The following LAMA2 variants were observed in gnomAD, a reference collection of about 807,000 sequenced individuals.
The protein encoded by LAMA2 is laminin subunit alpha-2.
Under a neutral mutation model 364.8 loss-of-function variants are expected in LAMA2, and 269 were observed. The ratio of observed to expected loss-of-function variants is 0.74; its 90% CI spans 0.67 to 0.82. The LOEUF (loss-of-function observed/expected upper bound fraction) is 0.82, where lower values mean the gene tolerates loss of function less well. Ranked by LOEUF, LAMA2 falls within the 40% of genes least tolerant of loss-of-function variation. The pLI is 0.00. For missense variants in LAMA2, 3,807 were observed against 3,873.2 expected (o/e 0.98, Z 0.45); for synonymous variants, 1,379 against 1,370.6 (o/e 1.01, Z -0.14).
chr6:129,259,009 G>A (rs886829949), intron 14 of LAMA2, among the ~76,000 whole-genome samples: 3 of 152,066 alleles, frequency 2.0e-5, no homozygotes, highest in African/African-American at 7.2e-5. Context: ...TTTAGAGGGT[G>A]CCATCTGGCA....
intron 12 of LAMA2, among the ~76,000 whole-genome samples, chr6:129,243,855 AAAGAAG>A (rs3062303): frequency 9.9e-5 from 15 of 150,850 alleles, no homozygotes; most frequent in African/African-American, 1.9e-4. Context: ...AAGAAAAAGA[AAAGAAG>A]AAGAAGAAGG....
intron 3 of LAMA2, among the ~76,000 whole-genome samples, chr6:129,077,409 T>C (rs1392366461): frequency 6.6e-6 from 1 of 152,316 alleles, no homozygotes; most frequent in East Asian, 1.9e-4. Context: ...ATTTAACTTA[T>C]AAGCTAATTC....
intron 1 of LAMA2, among the ~76,000 whole-genome samples, chr6:128,899,660 C>T (rs899001767): frequency 2.0e-5 from 3 of 152,054 alleles, no homozygotes; most frequent in Non-Finnish European, 2.9e-5. Flanking sequence ...ACATAAATTT[C>T]TACAAATACT....
At chr6:129,030,504 A>G (rs1345627576) in intron 1 of LAMA2, among the ~76,000 whole-genome samples, 1 of 152,160 alleles carries the variant, frequency 6.6e-6, no homozygotes, top group Non-Finnish European at 1.5e-5. Flanking sequence ...CCATTATTTT[A>G]TCTATGATAT....
intron 3 of LAMA2, among the ~76,000 whole-genome samples, chr6:129,069,354 TTACA>T (rs1773149971): frequency 6.7e-6 from 1 of 149,586 alleles, no homozygotes; most frequent in Non-Finnish European, 1.5e-5. Flanking sequence ...AATTTTTTAC[TTACA>T]TATTATGCTT....
chr6:129,077,180 A>G (rs1371618021), intron 3 of LAMA2, among the ~76,000 whole-genome samples: 1 of 152,150 alleles, frequency 6.6e-6, no homozygotes, highest in Admixed American at 6.5e-5. Flanking sequence ...CTTCTTCATT[A>G]TCCTTACCTC....
intron 62 of LAMA2, 145 bp downstream of exon 62, chr6:129,507,787 A>T: frequency 1.3e-6 from 1 of 797,040 alleles, no homozygotes; most frequent in Admixed American, 2.2e-5. Flanking sequence ...AGTAATTTCA[A>T]AAATGCCTCT....
intron 20 of LAMA2, among the ~76,000 whole-genome samples, chr6:129,295,987 G>T (rs1773157395): frequency 6.6e-6 from 1 of 151,744 alleles, no homozygotes; most frequent in Admixed American, 6.6e-5. Flanking sequence ...CTGGTGGTAT[G>T]GGTATGTAAT....
chr6:129,073,153 T>C (rs1773427462), intron 3 of LAMA2, among the ~76,000 whole-genome samples: 1 of 152,106 alleles, frequency 6.6e-6, no homozygotes, highest in Admixed American at 6.6e-5. Flanking sequence ...GGAATTTTGT[T>C]TTGTTTTGTT....
At chr6:129,332,138 C>G (rs1435429178) in intron 29 of LAMA2, among the ~76,000 whole-genome samples, 1 of 152,172 alleles carries the variant, frequency 6.6e-6, no homozygotes, top group Non-Finnish European at 1.5e-5. Context: ...ATATTGACAT[C>G]CCACAGTATT....
intron 40 of LAMA2, among the ~76,000 whole-genome samples, chr6:129,407,623 G>T (rs1768962552): frequency 6.6e-6 from 1 of 152,194 alleles, no homozygotes; most frequent in African/African-American, 2.4e-5. Flanking sequence ...GTTGTAGCTG[G>T]TATTGATGAC....
intron 1 of LAMA2, among the ~76,000 whole-genome samples, chr6:129,048,487 T>A (rs1787718778): frequency 1.4e-5 from 1 of 73,084 alleles, no homozygotes; most frequent in East Asian, 3.1e-4. Flanking sequence ...TTTCTTTCTT[T>A]CTTTCTTTCC....
In LAMA2 at chr6:129,404,001, C is replaced by T. The variant is rs370344012; in HGVS notation, c.5865+42C>T. The T allele has an allele frequency of 5.0e-5, 80 of 1,609,378 alleles. 1 individual carries two copies. The Middle Eastern group carries it at 6.6e-4, about 13-fold the overall frequency. On this transcript the variant is annotated intron_variant, in intron 40 of 64. Transcript: ENST00000421865. ...ACATGTGCTGGGAATGGAAGTCAAC[C>T]TTTTTGAATTTTTCAAATGTAAGTC...
Position 129,445,572 on chromosome 6 carries a change from A to C in LAMA2, c.6275-95A>C, listed in dbSNP as rs762846786. The C allele has an allele frequency of 1.4e-4, 145 of 1,026,572 alleles. 1 individual carries two copies. Among genetic ancestry groups the C allele is most frequent in the Non-Finnish European group, 1.9e-4 (126 of 657,292 alleles). 63.6% of individuals were successfully genotyped at this position (1,026,572 alleles called of 1,614,324 possible). A position where few individuals can be genotyped will look rare whatever the true frequency, so the allele number is the denominator to read the frequency against. ...ATGGCCATGCTTTGTCACATTAATA[A>C]GATGAAATTGTTTGGTTAAGCATAC... On this transcript the variant is annotated intron_variant, in intron 44 of 64. Transcript: ENST00000421865.
chr6:129,384,101 G>A (rs1044596922), intron 35 of LAMA2, among the ~76,000 whole-genome samples: 3 of 152,156 alleles, frequency 2.0e-5, no homozygotes, highest in Non-Finnish European at 2.9e-5. Flanking sequence ...ACTCCCAAAT[G>A]TTCACCACTG....
At chr6:129,017,643 C>T (rs979118945) in intron 1 of LAMA2, among the ~76,000 whole-genome samples, 2 of 151,992 alleles carry the variant, frequency 1.3e-5, no homozygotes, top group African/African-American at 4.8e-5. Context: ...CATTGACTAG[C>T]CACCTGCCAC....
At chr6:129,181,098 G>A (rs575780485) in intron 10 of LAMA2, among the ~76,000 whole-genome samples, 30 of 152,206 alleles carry the variant, frequency 2.0e-4, no homozygotes, top group Non-Finnish European at 3.4e-4. Flanking sequence ...GTGTAGGACC[G>A]AATCCCCAAA....
intron 34 of LAMA2, among the ~76,000 whole-genome samples, chr6:129,370,722 G>A (rs896304159): frequency 6.6e-6 from 1 of 152,310 alleles, no homozygotes; most frequent in African/African-American, 2.4e-5. Flanking sequence ...GGATTATCGA[G>A]TCCACTTTGT....
chr6:129,515,381 AGTGGCTTCT>A (rs1786967211), intron 64 of LAMA2, among the ~76,000 whole-genome samples: 1 of 152,224 alleles, frequency 6.6e-6, no homozygotes, highest in Admixed American at 6.5e-5. Context: ...CTCTTTCCAA[AGTGGCTTCT>A]GTGTTTTAAA....
Sources: gnomAD v4.1 joint callset for allele counts (sites outside exome capture counted in the v4.1 genomes callset) on GRCh38, gnomAD v4.1.1 for gene constraint, MANE v1.5 for transcripts, NCBI Gene and HGNC (gene_info 2026-07-23, HGNC 2026-07-21) for gene names.